Variants in SRBD1 observed in about 807,000 individuals in gnomAD.
SRBD1 encodes S1 RNA-binding domain-containing protein 1.
A neutral mutation model predicts 115.3 loss-of-function variants in SRBD1; 88 were observed. The observed-to-expected ratio is 0.76, with a 90% CI of 0.64 to 0.91. The LOEUF (loss-of-function observed/expected upper bound fraction) is 0.91. Ranked by LOEUF, SRBD1 falls within the 40% of genes least tolerant of loss-of-function variation. SRBD1 has a pLI of 0.00. For missense variants in SRBD1, 1,385 were observed against 1,177.4 expected, an observed-to-expected ratio of 1.18 and a Z score of -2.58; for synonymous variants, 509 against 407.7, an observed-to-expected ratio of 1.25 and a Z score of -2.99.
intron 16 of SRBD1, among the ~76,000 whole-genome samples, chr2:45,457,212 C>T (rs1209727570): frequency 1.3e-5 from 2 of 151,952 alleles, no homozygotes; most frequent in African/African-American, 2.4e-5. Flanking sequence ...AGGATTTACA[C>T]ATCTTTTATT....
At chr2:45,588,416 T>C (rs963266554) in intron 4 of SRBD1, among the ~76,000 whole-genome samples, 3 of 152,192 alleles carry the variant, frequency 2.0e-5, no homozygotes, top group Non-Finnish European at 2.9e-5. Context: ...TCCTGTTGCT[T>C]GTTATCTTCC....
At chr2:45,395,889 A>C (rs1667133269) in intron 19 of SRBD1, among the ~76,000 whole-genome samples, 1 of 152,202 alleles carries the variant, frequency 6.6e-6, no homozygotes, top group Admixed American at 6.5e-5. Flanking sequence ...TCACTTCAGA[A>C]TTAAGTGTGA....
intron 9 of SRBD1, among the ~76,000 whole-genome samples, chr2:45,572,195 T>C (rs927354901): frequency 1.3e-5 from 2 of 152,018 alleles, no homozygotes; most frequent in African/African-American, 4.8e-5. Flanking sequence ...TAAAAAACTA[T>C]GGAGGCCATA....
chr2:45,392,530 C>A (rs541508458), intron 20 of SRBD1, among the ~76,000 whole-genome samples: 1 of 152,270 alleles, frequency 6.6e-6, no homozygotes, highest in African/African-American at 2.4e-5. Context: ...TTCATTGACA[C>A]AGAATCCAAG....
intron 11 of SRBD1, 148 bp from the exon 12 acceptor site, chr2:45,551,430 T>A: frequency 1.2e-6 from 1 of 833,926 alleles, no homozygotes; most frequent in Admixed American, 3.3e-5. Context: ...AAAATTATAT[T>A]GAGTCTATTT....
Position 45,599,610 on chromosome 2 carries a change from C to T in SRBD1, c.487G>A (p.Gly163Ser). The T allele has an allele frequency of 6.2e-7, 1 of 1,614,178 alleles. No individual in the cohort carries two copies. ...ETPSTSTVWG[G>S]TCKKEENDDD... ...TCATTCTCTTCCTTCTTGCATGTAC[C>T]TCCCCACACAGTGCTTGTGGATGGT... The change falls in exon 4 of 21, where the codon GGT (glycine) becomes AGT (serine). Residue 163 changes from glycine (G) to serine (S), a missense_variant. Gly to Ser is a moderately conservative substitution (Grantham distance 56, BLOSUM62 0). Transcript: ENST00000263736.
At chr2:45,552,166 A>G (rs1171059391) in intron 11 of SRBD1, among the ~76,000 whole-genome samples, 2 of 152,206 alleles carry the variant, frequency 1.3e-5, no homozygotes, top group African/African-American at 4.8e-5. Context: ...TAGGCTATGC[A>G]TAGTATACAG....
intron 16 of SRBD1, among the ~76,000 whole-genome samples, chr2:45,458,667 T>G (rs560955843): frequency 6.6e-6 from 1 of 152,288 alleles, no homozygotes; most frequent in East Asian, 1.9e-4. Flanking sequence ...TACTACATTT[T>G]TGAAAACAGA....
At position 45,413,263 on chromosome 2, in the gene SRBD1, T is replaced by G. The variant is rs750478234; in HGVS notation, c.2364A>C (p.Gln788His). 2 of 1,613,780 alleles carry G rather than the reference T, an allele frequency of 1.2e-6. No homozygotes were observed. The highest frequency in any genetic ancestry group is 1.7e-6 in the Non-Finnish European group (2 of 1,179,908). The part of the protein sequence containing the change: ...SQQTETSGQI[Q>H]GVAVTSSADV... ...CTGCTGAAGATGTCACAGCAACTCC[T>G]TGAATTTGGCCTGAAGTTTCAGTTT... is the stretch of plus-strand genomic sequence containing the variant. Residue 788 changes from glutamine to histidine, a missense_variant, in exon 19 of 21, where the codon CAA becomes CAC. Transcript: ENST00000263736.
chr2:45,560,830 G>C (rs1672638531), intron 10 of SRBD1, among the ~76,000 whole-genome samples: 1 of 151,928 alleles, frequency 6.6e-6, no homozygotes, highest in Admixed American at 6.6e-5. Flanking sequence ...AACTAGCCAG[G>C]CATGGTGGGT....
intron 18 of SRBD1, among the ~76,000 whole-genome samples, chr2:45,415,853 T>A (rs1340253563): frequency 6.7e-6 from 1 of 148,974 alleles, no homozygotes; most frequent in Admixed American, 6.8e-5. Flanking sequence ...CATCTTATCA[T>A]GGGAGGCAGA....
chr2:45,508,361 C>T (rs953149222), intron 14 of SRBD1, among the ~76,000 whole-genome samples: 3 of 152,196 alleles, frequency 2.0e-5, no homozygotes, highest in Non-Finnish European at 4.4e-5. Flanking sequence ...TTACCTCTAA[C>T]AGAAACTATA....
chr2:45,544,101 C>T (rs546428960), intron 14 of SRBD1, among the ~76,000 whole-genome samples: 3 of 151,964 alleles, frequency 2.0e-5, no homozygotes, highest in Admixed American at 6.6e-5. Flanking sequence ...GGCATGGTGG[C>T]GGGCACCTGT....
intron 12 of SRBD1, 57 bp from the exon 13 acceptor site, chr2:45,547,669 G>T: frequency 7.0e-7 from 1 of 1,434,170 alleles, no homozygotes; most frequent in Non-Finnish European, 9.6e-7. Context: ...TGAAACACAT[G>T]AATGATTTTG....
intron 14 of SRBD1, among the ~76,000 whole-genome samples, chr2:45,510,724 G>A (rs1670939850): frequency 6.6e-6 from 1 of 152,170 alleles, no homozygotes; most frequent in African/African-American, 2.4e-5. Flanking sequence ...TGTCCCTAAG[G>A]ATTCTAGCTC....
At chr2:45,452,343 C>T (rs537946885) in intron 16 of SRBD1, among the ~76,000 whole-genome samples, 62 of 151,998 alleles carry the variant, frequency 4.1e-4, no homozygotes, top group African/African-American at 1.4e-3. Flanking sequence ...GTTTCACACG[C>T]CTACTTTTAC....
chr2:45,425,401 G>T (rs189075211), intron 16 of SRBD1, among the ~76,000 whole-genome samples: 83 of 152,182 alleles, frequency 5.5e-4, no homozygotes, highest in Non-Finnish European at 9.3e-4. Flanking sequence ...CTTGCACAAA[G>T]GGGTGTGTAT....
intron 14 of SRBD1, among the ~76,000 whole-genome samples, chr2:45,499,211 C>A (rs1042536752): frequency 2.6e-5 from 4 of 152,058 alleles, no homozygotes; most frequent in Admixed American, 6.5e-5. Flanking sequence ...AATGACATCT[C>A]ATTGTGGTTT....
intron 16 of SRBD1, among the ~76,000 whole-genome samples, chr2:45,472,292 A>C (rs2103805918): frequency 6.6e-6 from 1 of 152,348 alleles, no homozygotes; most frequent in East Asian, 1.9e-4. Flanking sequence ...AAAATAGATT[A>C]GTGTTGTCTG....
Sources: gnomAD v4.1 joint callset for allele counts (sites outside exome capture counted in the v4.1 genomes callset) on GRCh38, gnomAD v4.1.1 for gene constraint, MANE v1.5 for transcripts, NCBI Gene and HGNC (gene_info 2026-07-23, HGNC 2026-07-21) for gene names.